Variants in AATF observed in about 807,000 individuals in gnomAD.
AATF encodes the protein protein AATF.
AATF carries 48 observed loss-of-function variants against 63.7 expected under a neutral mutation model. The ratio of observed to expected loss-of-function variants is 0.75; its 90% CI spans 0.60 to 0.96. The LOEUF is 0.96. Among genes scored for constraint, AATF ranks in the 40% least tolerant of loss-of-function variants. The pLI is 0.00. For synonymous variants in AATF, 258 were observed against 247.7 expected (o/e 1.04, Z -0.39); for missense variants, 639 against 685.7 (o/e 0.93, Z 0.76).
chr17:37,018,337 G>T (rs561008603), intron 8 of AATF, among the ~76,000 whole-genome samples: 3 of 152,214 alleles, frequency 2.0e-5, no homozygotes, highest in African/African-American at 4.8e-5. Context: ...GGAGTTAATT[G>T]TATTGGATGA....
intron 10 of AATF, among the ~76,000 whole-genome samples, chr17:37,029,897 C>T (rs745881080): frequency 3.3e-5 from 5 of 151,562 alleles, no homozygotes; most frequent in Non-Finnish European, 7.4e-5. Flanking sequence ...GAGACGGGGT[C>T]TTGCTATGTT....
chr17:36,954,619 A>C (rs1477534460), intron 4 of AATF, among the ~76,000 whole-genome samples: 2 of 152,200 alleles, frequency 1.3e-5, no homozygotes, highest in African/African-American at 4.8e-5. Context: ...ATTTTAGAGG[A>C]GAATTACTGA....
At chr17:36,989,505 G>C in intron 7 of AATF, 94 bp downstream of exon 7, 3 of 1,286,676 alleles carry the variant, frequency 2.3e-6, no homozygotes, top group Non-Finnish European at 3.1e-6. Context: ...TTATATAAGA[G>C]GTTAGTGAGA....
rs771442269 is a variant in AATF at position 36,949,143 on chromosome 17, C to T, written c.18C>T (p.Pro6=). Residue 6 remains proline, a synonymous_variant, in exon 1 of 12, where the codon CCC becomes CCT. Transcript: ENST00000619387. ...TGGTGACGATGGCGGGGCCGCAGCC[C>T]CTGGCGCTGCAACTGGAACAGTTGT... The part of the protein sequence containing the change: MAGPQ[P]LALQLEQLLN... The T allele has an allele frequency of 5.7e-6, 9 of 1,583,578 alleles. No individual in the cohort carries two copies. The East Asian group carries it at 1.1e-4, about 20-fold the overall frequency.
At chr17:37,036,668 C>T (rs1423284171) in intron 11 of AATF, among the ~76,000 whole-genome samples, 1 of 151,444 alleles carries the variant, frequency 6.6e-6, no homozygotes, top group Non-Finnish European at 1.5e-5. Flanking sequence ...CCAAATTTCC[C>T]TTTGGGGCAT....
At chr17:36,949,726 T>A (rs1398653343) in intron 1 of AATF, among the ~76,000 whole-genome samples, 1 of 152,258 alleles carries the variant, frequency 6.6e-6, no homozygotes, top group East Asian at 1.9e-4. Flanking sequence ...TGTAAGCTGA[T>A]GTTCAGAGTC....
At chr17:37,035,564 A>ATTTTTTTT in intron 11 of AATF, among the ~76,000 whole-genome samples, 1 of 139,174 alleles carries the variant, frequency 7.2e-6, no homozygotes. Flanking sequence ...TTTGAGATGG[A>ATTTTTTTT]GTCTTGCTCT....
chr17:36,988,542 A>AT lies in AATF; in HGVS notation c.972dup (p.Glu325Ter). The stretch of plus-strand genomic sequence containing the variant: ...AGTGAGGAGATTTCTAGTGAAGATG[A>AT]TGAGCTGGTAGAAGAGAAGAAGCAG... On this transcript the variant is annotated frameshift_variant, in exon 6 of 12. Coordinates refer to ENST00000619387, the MANE Select transcript of AATF (RefSeq NM_012138.4). LOFTEE classifies it high-confidence loss of function. 1 of 1,614,102 alleles carries AT rather than the reference A, an allele frequency of 6.2e-7. No homozygotes were observed. Among genetic ancestry groups the AT allele is most frequent in the Non-Finnish European group, 8.5e-7 (1 of 1,180,004 alleles).
chr17:37,030,717 C>A (rs964118733), intron 10 of AATF, among the ~76,000 whole-genome samples: 15 of 152,092 alleles, frequency 9.9e-5, no homozygotes, highest in South Asian at 2.1e-4. Context: ...AAATGAAAGA[C>A]CCCCTGGATC....
In AATF at chr17:36,953,366, G is replaced by A. The variant is rs116820808; in HGVS notation, c.694+70G>A. On this transcript the variant is annotated intron_variant, in intron 3 of 11. Transcript: ENST00000619387. The stretch of plus-strand genomic sequence containing the variant: ...CATTTGGTCTACTTTTCATTTGTTT[G>A]TTTTTGGCTATTCTCTATCTCCTGT... The A allele has an allele frequency of 2.0e-4, 304 of 1,556,570 alleles. 1 individual carries two copies. The African/African-American group carries it at 3.6e-3, about 19-fold the overall frequency.
intron 8 of AATF, chr17:36,998,957 G>A (rs944179795): frequency 2.0e-5 from 3 of 152,180 alleles, no homozygotes; most frequent in African/African-American, 7.2e-5. Flanking sequence ...TCACAAACAT[G>A]CCTCAAGCAT....
chr17:37,043,010 G>T (rs535270514), intron 11 of AATF: 3 of 151,868 alleles, frequency 2.0e-5, no homozygotes, highest in African/African-American at 7.3e-5. Flanking sequence ...CAAAGTGCTG[G>T]GATTACAGGT....
rs148994134 is a variant in AATF at position 36,977,319 on chromosome 17, A to G, written c.833-9298A>G. 2.0e-5 allele frequency among the ~76,000 whole-genome samples: 3 copies of G among 152,312 alleles called. No homozygotes were observed. In the East Asian group the frequency reaches 5.8e-4, roughly 29 times the overall value. On this transcript the variant is annotated intron_variant, in intron 4 of 11. Transcript: ENST00000619387. ...CAAAATGGTTAAGTGTTGTAACGAT[A>G]TGAAGAATCCTGAGAGAGGAGTGAT... is the stretch of plus-strand genomic sequence containing the variant.
intron 4 of AATF, among the ~76,000 whole-genome samples, chr17:36,964,394 C>G (rs1445334406): frequency 2.6e-5 from 4 of 152,000 alleles, no homozygotes; most frequent in Admixed American, 2.6e-4. Context: ...GTAATCCTAG[C>G]TACTCAGGAG....
chr17:36,965,988 T>C (rs763820745), intron 4 of AATF, among the ~76,000 whole-genome samples: 5 of 152,192 alleles, frequency 3.3e-5, no homozygotes, highest in Non-Finnish European at 5.9e-5. Flanking sequence ...TTTTATTTAT[T>C]ATGCTAAACA....
At chr17:37,008,145 AAG>A (rs1207562175) in intron 8 of AATF, among the ~76,000 whole-genome samples, 1 of 152,194 alleles carries the variant, frequency 6.6e-6, no homozygotes, top group Admixed American at 6.5e-5. Context: ...TTAGCTGTGG[AAG>A]ATGATTTATT....
At position 36,969,239 on chromosome 17, in the gene AATF, G is replaced by T. The variant is rs143496419; in HGVS notation, c.832+15332G>T. On this transcript the variant is annotated intron_variant, in intron 4 of 11. Coordinates refer to ENST00000619387, the MANE Select transcript of AATF (RefSeq NM_012138.4). ...GCTCTTTATGAGATCAAAATCTAGA[G>T]GACTTCCAGTTTCCTGCCTGGTGGC... is the stretch of plus-strand genomic sequence containing the variant. Among the ~76,000 whole-genome samples the T allele has an allele frequency of 5.0e-3, 768 of 152,272 alleles. 3 individuals carry two copies. The highest frequency in any genetic ancestry group is 0.018 in the African/African-American group (736 of 41,542).
At position 37,011,525 on chromosome 17, in the gene AATF, T is replaced by C. The variant is rs140501397; in HGVS notation, c.1399-7480T>C. On this transcript the variant is annotated intron_variant, in intron 8 of 11. Coordinates refer to ENST00000619387, the MANE Select transcript of AATF (RefSeq NM_012138.4). ...GTAAGGGAAGAGGAATTTCCAGGGGTAACTCTTAGGTCATTGAAGCCTTGA... is the reference window on the plus strand; with the variant it reads ...GTAAGGGAAGAGGAATTTCCAGGGGCAACTCTTAGGTCATTGAAGCCTTGA... 8.2e-3 allele frequency among the ~76,000 whole-genome samples: 1,250 copies of C among 152,216 alleles called. 11 individuals carry two copies. The highest frequency in any genetic ancestry group is 0.012 in the Non-Finnish European group (784 of 68,014).
chr17:37,017,538 G>T (rs375600153), intron 8 of AATF, among the ~76,000 whole-genome samples: 2 of 152,184 alleles, frequency 1.3e-5, no homozygotes, highest in African/African-American at 4.8e-5. Flanking sequence ...GATGAAGTAG[G>T]AGAGATAAAC....
Sources: gnomAD v4.1 joint callset for allele counts (sites outside exome capture counted in the v4.1 genomes callset) on GRCh38, gnomAD v4.1.1 for gene constraint, MANE v1.5 for transcripts, NCBI Gene and HGNC (gene_info 2026-07-23, HGNC 2026-07-21) for gene names.